The following CADM1 variants were observed in gnomAD, a reference collection of about 807,000 sequenced individuals.
CADM1 encodes cell adhesion molecule 1.
Under a neutral mutation model 53.1 loss-of-function variants are expected in CADM1, and 15 were observed. The ratio of observed to expected loss-of-function variants is 0.28; its 90% CI spans 0.19 to 0.44. The LOEUF is 0.44. Ranked by LOEUF, CADM1 falls within the 20% of genes least tolerant of loss-of-function variation. CADM1 has a pLI of 1.00. For missense variants in CADM1, 434 were observed against 611.3 expected (o/e 0.71, Z 3.06); for synonymous variants, 281 against 243.0 (o/e 1.16, Z -1.45).
rs191309521 is a variant in CADM1, at chr11:115,268,008, A to T, written c.125-27588T>A. Among the ~76,000 whole-genome samples the T allele has an allele frequency of 4.6e-5, 7 of 152,354 alleles. No individual in the cohort carries two copies. In the East Asian group the frequency reaches 1.3e-3, roughly 29 times the overall value. ...CGTTAACACATCCCAGGCTCAGAGA[A>T]GCAGTGGTTTCACACAGCTGCTCGC... On this transcript the variant is annotated intron_variant, in intron 1 of 11. Coordinates refer to ENST00000331581, the MANE Select transcript of CADM1 (RefSeq NM_001301043.2).
chr11:115,229,022 T>C, intron 5 of CADM1, 91 bp downstream of exon 5: 2 of 1,171,768 alleles, frequency 1.7e-6, no homozygotes, highest in South Asian at 2.5e-5. Context: ...ATGTATACTA[T>C]ATAAAATGAA....
intron 1 of CADM1, among the ~76,000 whole-genome samples, chr11:115,324,720 C>T (rs1415094977): frequency 2.6e-5 from 4 of 151,960 alleles, no homozygotes; most frequent in African/African-American, 9.7e-5. Context: ...TGGAAGAAAC[C>T]AGGTGTCACT....
At chr11:115,351,080 T>C (rs1054847481) in intron 1 of CADM1, among the ~76,000 whole-genome samples, 2 of 151,978 alleles carry the variant, frequency 1.3e-5, no homozygotes, top group Non-Finnish European at 2.9e-5. Context: ...AATTACATCA[T>C]GACATTTTAG....
At position 115,176,416 on chromosome 11, in the gene CADM1, G is replaced by A; in HGVS notation, c.*58C>T. On this transcript the variant is annotated 3_prime_UTR_variant, in exon 12 of 12. Transcript: ENST00000331581. The stretch of plus-strand genomic sequence containing the variant: ...ATTTCTCGCAAGTTCCAATATCACT[G>A]TCTCTTTATCATCTAAATAGGGCCA... The A allele has an allele frequency of 6.2e-7, 1 of 1,608,004 alleles. No individual in the cohort carries two copies. The highest frequency in any genetic ancestry group is 8.5e-7 in the Non-Finnish European group (1 of 1,176,560).
chr11:115,489,511 C>T (rs948562416), intron 1 of CADM1, among the ~76,000 whole-genome samples: 1 of 152,156 alleles, frequency 6.6e-6, no homozygotes, highest in Non-Finnish European at 1.5e-5. Flanking sequence ...GAAGTTGTGA[C>T]AGAAGTTGAA....
chr11:115,415,531 A>T (rs1947572137), intron 1 of CADM1, among the ~76,000 whole-genome samples: 1 of 152,062 alleles, frequency 6.6e-6, no homozygotes, highest in Admixed American at 6.6e-5. Flanking sequence ...AGGAACGATT[A>T]AAATTTTTAA....
chr11:115,328,204 A>T (rs1945010942), intron 1 of CADM1, among the ~76,000 whole-genome samples: 1 of 151,928 alleles, frequency 6.6e-6, no homozygotes. Flanking sequence ...AATCCAAATT[A>T]ACCTTTTGAG....
intron 1 of CADM1, among the ~76,000 whole-genome samples, chr11:115,455,334 GAA>G (rs1298470458): frequency 2.0e-5 from 3 of 148,906 alleles, no homozygotes; most frequent in African/African-American, 7.4e-5. Flanking sequence ...GGGAAAAAAA[GAA>G]AAAAAAGTGG....
At chr11:115,377,584 C>T (rs1946469842) in intron 1 of CADM1, 1 of 152,098 alleles carries the variant, frequency 6.6e-6, no homozygotes, top group African/African-American at 2.4e-5. Flanking sequence ...TAGAAATAAG[C>T]TGATAATAAT....
intron 1 of CADM1, among the ~76,000 whole-genome samples, chr11:115,341,858 C>T (rs1372408870): frequency 1.3e-5 from 2 of 152,142 alleles, no homozygotes; most frequent in African/African-American, 2.4e-5. Context: ...ACTGTCAACT[C>T]TTATATATGT....
chr11:115,453,949 G>A lies in CADM1; in HGVS notation c.124+50322C>T, dbSNP rs141298126. On this transcript the variant is annotated intron_variant, in intron 1 of 11. Coordinates refer to ENST00000331581, the MANE Select transcript of CADM1 (RefSeq NM_001301043.2). Reference sequence around the variant, plus strand: ...TCACTTATAAGATATATCCTTCTAGGTCTAGAAGGTCCTCCATTTGCTTTA... The same window carrying A: ...TCACTTATAAGATATATCCTTCTAGATCTAGAAGGTCCTCCATTTGCTTTA... Among the ~76,000 whole-genome samples the A allele has an allele frequency of 1.2e-3, 181 of 151,986 alleles. 1 individual carries two copies. The highest frequency in any genetic ancestry group is 2.1e-3 in the Non-Finnish European group (142 of 68,000).
chr11:115,214,937 A>G (rs1029133312), intron 6 of CADM1, among the ~76,000 whole-genome samples, 157 bp from the exon 7 acceptor site: 2 of 152,324 alleles, frequency 1.3e-5, no homozygotes, highest in African/African-American at 2.4e-5. Context: ...TCTGTTTGGT[A>G]TACAATTTTT....
At chr11:115,210,981 A>G (rs1940929718) in intron 7 of CADM1, among the ~76,000 whole-genome samples, 1 of 152,210 alleles carries the variant, frequency 6.6e-6, no homozygotes, top group Admixed American at 6.5e-5. Flanking sequence ...AGATGGGGAT[A>G]CAAGCAGTTT....
intron 1 of CADM1, among the ~76,000 whole-genome samples, chr11:115,424,732 G>C (rs995090705): frequency 6.6e-6 from 1 of 151,906 alleles, no homozygotes; most frequent in African/African-American, 2.4e-5. Context: ...CGACATGTTG[G>C]CCAGGCTTGT....
chr11:115,499,042 GA>G (rs1949679087), intron 1 of CADM1, among the ~76,000 whole-genome samples: 1 of 151,028 alleles, frequency 6.6e-6, no homozygotes. Flanking sequence ...TGGGAAAAAA[GA>G]AAAATCTGAT....
chr11:115,322,727 A>C (rs1944856055), intron 1 of CADM1, among the ~76,000 whole-genome samples: 1 of 152,280 alleles, frequency 6.6e-6, no homozygotes, highest in Non-Finnish European at 1.5e-5. Flanking sequence ...ATGTCATAGA[A>C]TGTATCAGTA....
At chr11:115,303,123 T>C (rs1295063120) in intron 1 of CADM1, among the ~76,000 whole-genome samples, 3 of 152,128 alleles carry the variant, frequency 2.0e-5, no homozygotes, top group African/African-American at 4.8e-5. Flanking sequence ...ATGGGTGTGG[T>C]ACAAAAAAGC....
chr11:115,286,882 G>A (rs370386333), intron 1 of CADM1, among the ~76,000 whole-genome samples: 1 of 152,172 alleles, frequency 6.6e-6, no homozygotes, highest in African/African-American at 2.4e-5. Flanking sequence ...AGAACAGAAG[G>A]AAAGTGCATT....
At chr11:115,207,425 T>C (rs1358389283) in intron 8 of CADM1, 1 of 152,194 alleles carries the variant, frequency 6.6e-6, no homozygotes, top group Admixed American at 6.5e-5. Flanking sequence ...ATGGAGTCTC[T>C]GCAGTCGGAA....
Sources: gnomAD v4.1 joint callset for allele counts (sites outside exome capture counted in the v4.1 genomes callset) on GRCh38, gnomAD v4.1.1 for gene constraint, MANE v1.5 for transcripts, NCBI Gene and HGNC (gene_info 2026-07-23, HGNC 2026-07-21) for gene names.